The following ROCK1 variants were observed in gnomAD, a reference collection of about 807,000 sequenced individuals.
ROCK1 encodes Rho associated coiled-coil containing protein kinase 1.
Under a neutral mutation model 196.8 loss-of-function variants are expected in ROCK1, and 36 were observed. That is an observed-to-expected ratio of 0.18 (90% confidence interval 0.14 to 0.24). The LOEUF (loss-of-function observed/expected upper bound fraction) is 0.24, where lower values mean the gene tolerates loss of function less well. Among genes scored for constraint, ROCK1 ranks in the 10% least tolerant of loss-of-function variants. The pLI, the probability that ROCK1 is intolerant of heterozygous loss-of-function variation, is 1.00. For missense variants in ROCK1, 920 were observed against 1,562.0 expected (o/e 0.59, Z 6.93); for synonymous variants, 443 against 515.9 (o/e 0.86, Z 1.91).
chr18:21,060,983 C>T (rs2036284922), intron 2 of ROCK1, among the ~76,000 whole-genome samples: 1 of 151,778 alleles, frequency 6.6e-6, no homozygotes. Context: ...CAAGGTATAT[C>T]CATTCAATAG....
chr18:21,097,409 A>T (rs2036621724), intron 1 of ROCK1, among the ~76,000 whole-genome samples: 1 of 152,226 alleles, frequency 6.6e-6, no homozygotes, highest in African/African-American at 2.4e-5. Context: ...TCCAACCTAT[A>T]CTATAAAAGT....
intron 2 of ROCK1, among the ~76,000 whole-genome samples, chr18:21,053,393 T>G (rs1333878838): frequency 6.6e-6 from 1 of 152,138 alleles, no homozygotes; most frequent in African/African-American, 2.4e-5. Context: ...GTCCTATGAG[T>G]CAGGAAGATC....
At chr18:20,969,766 C>T (rs1413742636) in intron 23 of ROCK1, among the ~76,000 whole-genome samples, 2 of 151,990 alleles carry the variant, frequency 1.3e-5, no homozygotes, top group Admixed American at 6.6e-5. Context: ...AAGTTAAAGC[C>T]AACTTTGCCA....
At position 21,059,553 on chromosome 18, in the gene ROCK1, A is replaced by G. The variant is rs190987722; in HGVS notation, c.176-9673T>C. The stretch of plus-strand genomic sequence containing the variant: ...ATGGAGATAAACACATGCTGCATTT[A>G]TCTATTCAGGAACAACAGAAAAGCC... On this transcript the variant is annotated intron_variant, in intron 2 of 32. Transcript: ENST00000399799. Among the ~76,000 whole-genome samples the G allele has an allele frequency of 5.9e-5, 9 of 152,356 alleles. No individual in the cohort carries two copies. The East Asian group carries it at 1.7e-3, about 29-fold the overall frequency.
intron 22 of ROCK1, among the ~76,000 whole-genome samples, chr18:20,978,280 A>G (rs2035498738): frequency 6.6e-6 from 1 of 152,182 alleles, no homozygotes; most frequent in South Asian, 2.1e-4. Context: ...AGGATCTAAC[A>G]TTGAATGCCA....
intron 26 of ROCK1, 105 bp downstream of exon 26, chr18:20,967,647 G>C (rs770204346): frequency 5.1e-5 from 46 of 895,052 alleles, no homozygotes; most frequent in Non-Finnish European, 7.0e-5. Context: ...CAGAACCCTT[G>C]ATTGTTCCCA....
At chr18:21,041,789 A>AT (rs1303178546) in intron 8 of ROCK1, among the ~76,000 whole-genome samples, 1 of 152,066 alleles carries the variant, frequency 6.6e-6, no homozygotes, top group Non-Finnish European at 1.5e-5. Flanking sequence ...ATGTTAAAAA[A>AT]TTTTTTTAGA....
At chr18:20,964,775 C>T (rs1177403001) in intron 27 of ROCK1, among the ~76,000 whole-genome samples, 1 of 152,192 alleles carries the variant, frequency 6.6e-6, no homozygotes, top group Non-Finnish European at 1.5e-5. Flanking sequence ...CTCAATAAGT[C>T]AATTTATTAG....
At chr18:21,058,572 G>A (rs1449247023) in intron 2 of ROCK1, among the ~76,000 whole-genome samples, 4 of 152,096 alleles carry the variant, frequency 2.6e-5, no homozygotes, top group African/African-American at 9.7e-5. Context: ...TCACAAGAAT[G>A]TTATATTCAA....
intron 2 of ROCK1, among the ~76,000 whole-genome samples, chr18:21,064,454 A>C (rs1215367783): frequency 6.6e-6 from 1 of 152,204 alleles, no homozygotes; most frequent in South Asian, 2.1e-4. Flanking sequence ...TCCATCCATG[A>C]GATGGTAAGA....
At chr18:20,972,669 T>C (rs2035440298) in intron 22 of ROCK1, among the ~76,000 whole-genome samples, 1 of 152,154 alleles carries the variant, frequency 6.6e-6, no homozygotes, top group Admixed American at 6.5e-5. Flanking sequence ...CTAAGTCAAA[T>C]CCTGCTATGA....
rs2035155276 is a variant in ROCK1 at position 20,948,894 on chromosome 18, AC to A, written c.*2489del. The A allele has an allele frequency of 6.6e-6, 1 of 151,276 alleles. No individual in the cohort carries two copies. Among genetic ancestry groups the A allele is most frequent in the Non-Finnish European group, 1.5e-5 (1 of 67,720 alleles). 9.4% of individuals were successfully genotyped at this position (151,276 alleles called of 1,614,324 possible). The stretch of plus-strand genomic sequence containing the variant: ...GTTCTTAAGTGGCAAGAGGAATGGT[AC>A]AAAACATCTAACTGGAGGTAGATTG... On this transcript the variant is annotated 3_prime_UTR_variant, in exon 33 of 33. Transcript: ENST00000399799.
chr18:21,014,023 G>A (rs1191037285), intron 13 of ROCK1, among the ~76,000 whole-genome samples: 24 of 144,858 alleles, frequency 1.7e-4, no homozygotes, highest in Admixed American at 1.4e-3. Flanking sequence ...CAGAGATCGC[G>A]CCACTGCACT....
At chr18:21,023,587 A>C (rs983480370) in intron 11 of ROCK1, 33 bp downstream of exon 11, 8 of 1,218,050 alleles carry the variant, frequency 6.6e-6, no homozygotes, top group Non-Finnish European at 9.2e-6. Context: ...ACAATTTTAA[A>C]AACAATTTTC....
chr18:21,054,280 T>G (rs1439590633), intron 2 of ROCK1, among the ~76,000 whole-genome samples: 1 of 152,206 alleles, frequency 6.6e-6, no homozygotes, highest in Non-Finnish European at 1.5e-5. Flanking sequence ...ACTTCAAACT[T>G]ATATATGCAA....
In ROCK1 at chr18:21,007,270, T is replaced by A. The variant is rs1256494617; in HGVS notation, c.1547-480A>T. On this transcript the variant is annotated intron_variant, in intron 14 of 32. Transcript: ENST00000399799. ...AATATATATTTAATTTAAGCATATATAGACAAGTACTCTTGTTTTAAACAC... is the reference window on the plus strand; with the variant it reads ...AATATATATTTAATTTAAGCATATAAAGACAAGTACTCTTGTTTTAAACAC... Among the ~76,000 whole-genome samples, 56 of 152,156 alleles carry A rather than the reference T, an allele frequency of 3.7e-4. 2 individuals are homozygous for A. Among genetic ancestry groups the A allele is most frequent in the Admixed American group, 3.7e-3 (56 of 15,274 alleles).
At chr18:21,028,420 AAAAAC>A (rs772586765) in intron 10 of ROCK1, among the ~76,000 whole-genome samples, 6 of 152,066 alleles carry the variant, frequency 3.9e-5, no homozygotes, top group Admixed American at 6.5e-5. Flanking sequence ...CATCGTGGAA[AAAAAC>A]AAAACAAAAC....
intron 2 of ROCK1, among the ~76,000 whole-genome samples, chr18:21,059,662 T>TATGAC (rs762867973): frequency 2.0e-5 from 3 of 152,194 alleles, no homozygotes; most frequent in Admixed American, 6.5e-5. Flanking sequence ...AGAATTACCA[T>TATGAC]ATGACCCACC....
At chr18:20,983,450 C>G (rs2035551126) in intron 20 of ROCK1, among the ~76,000 whole-genome samples, 1 of 151,728 alleles carries the variant, frequency 6.6e-6, no homozygotes, top group East Asian at 1.9e-4. Flanking sequence ...GGAGCAGAGT[C>G]CAAAAGATGG....
Sources: gnomAD v4.1 joint callset for allele counts (sites outside exome capture counted in the v4.1 genomes callset) on GRCh38, gnomAD v4.1.1 for gene constraint, MANE v1.5 for transcripts, NCBI Gene and HGNC (gene_info 2026-07-23, HGNC 2026-07-21) for gene names.